ALDH5A1: variants seen among roughly 807,000 people sequenced by gnomAD.
The protein encoded by ALDH5A1 is succinate-semialdehyde dehydrogenase, mitochondrial.
A neutral mutation model predicts 54.7 loss-of-function variants in ALDH5A1; 33 were observed. The observed-to-expected ratio is 0.60, with a 90% CI of 0.46 to 0.81. The LOEUF (loss-of-function observed/expected upper bound fraction) is 0.81, where lower values mean the gene tolerates loss of function less well. ALDH5A1 is among the 30% of genes least tolerant of loss of function. ALDH5A1 has a pLI of 0.00. For missense variants in ALDH5A1, 657 were observed against 711.0 expected (o/e 0.92, Z 0.86); for synonymous variants, 294 against 292.7 (o/e 1.00, Z -0.05).
At chr6:24,523,022 A>G in intron 7 of ALDH5A1, 97 bp downstream of exon 7, 2 of 483,672 alleles carry the variant, frequency 4.1e-6, no homozygotes, top group Non-Finnish European at 7.5e-6. Context: ...GTGGGGATAG[A>G]GAGGGGTGGG....
intron 4 of ALDH5A1, among the ~76,000 whole-genome samples, chr6:24,514,212 G>A (rs1759517840): frequency 6.6e-6 from 1 of 152,154 alleles, no homozygotes; most frequent in African/African-American, 2.4e-5. Flanking sequence ...ATTCTTCTCT[G>A]CTATGCCTCC....
At chr6:24,515,102 C>CTTTTTTTTTTTTTTTTTTTTATTTTTT in intron 4 of ALDH5A1, 65 bp from the exon 5 acceptor site, 1 of 927,262 alleles carries the variant, frequency 1.1e-6, no homozygotes, top group Admixed American at 2.9e-5. Flanking sequence ...TTTCTCTTTT[C>CTTTTTTTTTTTTTTTTTTTTATTTTTT]TTTTTTTTTT....
intron 8 of ALDH5A1, among the ~76,000 whole-genome samples, chr6:24,529,670 GTTTT>G (rs55878931): frequency 2.3e-5 from 2 of 86,328 alleles, no homozygotes; most frequent in Non-Finnish European, 4.3e-5. Context: ...TTTGGTTTGG[GTTTT>G]TTTTTTTTTT....
intron 4 of ALDH5A1, among the ~76,000 whole-genome samples, chr6:24,506,273 T>TTTTTTTTTTTG (rs1390825941): frequency 9.5e-6 from 1 of 105,024 alleles, no homozygotes; most frequent in Non-Finnish European, 1.8e-5. Context: ...TTTTTTTTTT[T>TTTTTTTTTTTG]GAGACAGTCT....
intron 5 of ALDH5A1, 58 bp downstream of exon 5, chr6:24,515,368 GT>G: frequency 6.3e-7 from 1 of 1,579,120 alleles, no homozygotes; most frequent in Non-Finnish European, 8.7e-7. Context: ...ATCTTGATAG[GT>G]TATAAAAATA....
chr6:24,522,138 G>A lies in ALDH5A1; in HGVS notation c.1015-629G>A, dbSNP rs532718679. ...TGGGGTTACAGGCATGAGCCACTGC[G>A]CCCAGCCAAAAAAAATTAAAAATTA... On this transcript the variant is annotated intron_variant, in intron 6 of 9. Transcript: ENST00000357578. 3.9e-5 allele frequency among the ~76,000 whole-genome samples: 6 copies of A among 152,030 alleles called. No individual in the cohort carries two copies. The East Asian group carries it at 5.9e-4, about 15-fold the overall frequency.
At position 24,502,552 on chromosome 6, in the gene ALDH5A1, C is replaced by T; in HGVS notation, c.384C>T (p.Tyr128=). 1 of 1,613,494 alleles carries T rather than the reference C, an allele frequency of 6.2e-7. No individual in the cohort carries two copies. The highest frequency in any genetic ancestry group is 1.1e-5 in the South Asian group (1 of 91,060). ...GGAGTTCATTACTTCGGAAGTGGTA[C>T]AATTTAATGATACAAAATAAGGATG... is the stretch of plus-strand genomic sequence containing the variant. ...KERSSLLRKW[Y]NLMIQNKDDL... is the part of the protein sequence containing the mutation. The change falls in exon 2 of 10, where the codon TAC becomes TAT. Residue 128 remains tyrosine, a synonymous_variant. Coordinates refer to ENST00000357578, the MANE Select transcript of ALDH5A1 (RefSeq NM_001080.3).
chr6:24,502,033 G>A (rs1055737174), intron 1 of ALDH5A1, among the ~76,000 whole-genome samples: 5 of 151,988 alleles, frequency 3.3e-5, no homozygotes, highest in Middle Eastern at 3.4e-3. Context: ...ATGTGACTGT[G>A]GATGCTAAGA....
intron 6 of ALDH5A1, chr6:24,522,503 G>GTT (rs1491037476): frequency 5.1e-6 from 2 of 392,516 alleles, no homozygotes; most frequent in African/African-American, 2.1e-5. Context: ...GTGTGTGTGT[G>GTT]TACAGGTGCT....
intron 7 of ALDH5A1, 74 bp downstream of exon 7, chr6:24,522,999 T>A (rs1415080493): frequency 2.1e-6 from 3 of 1,439,040 alleles, no homozygotes. Flanking sequence ...CAAAAAACAC[T>A]TTGGCTGGAG....
At position 24,495,026 on chromosome 6, in the gene ALDH5A1, TG is replaced by T; in HGVS notation, c.34del (p.Ala12ProfsTer79). On this transcript the variant is annotated frameshift_variant, in exon 1 of 10. Transcript: ENST00000357578. LOFTEE classifies it high-confidence loss of function. MATCIWLRSC[G>X]ARRLGSTFPG... is the part of the protein sequence containing the mutation. Reference sequence around the variant, plus strand: ...CGACCTGCATTTGGCTGCGGAGCTGTGGGGCCCGGCGCCTCGGGTCGACGTT... The same window carrying T: ...CGACCTGCATTTGGCTGCGGAGCTGTGGGCCCGGCGCCTCGGGTCGACGTT... The T allele has an allele frequency of 7.4e-7, 1 of 1,343,240 alleles. No homozygotes were observed. The highest frequency in any genetic ancestry group is 9.5e-7 in the Non-Finnish European group (1 of 1,050,568). The allele number at this position is 1,343,240 out of a possible 1,614,324, so 83.2% of individuals were successfully genotyped here.
chr6:24,513,654 C>G lies in ALDH5A1; in HGVS notation c.727-1513C>G, dbSNP rs376456728. On this transcript the variant is annotated intron_variant, in intron 4 of 9. Transcript: ENST00000357578. The stretch of plus-strand genomic sequence containing the variant: ...CCATGCCCTTCATTCCTTATTGCAG[C>G]ATCCCATGTACTCACCTACTATTGA... Among the ~76,000 whole-genome samples, 19 of 152,246 alleles carry G rather than the reference C, an allele frequency of 1.2e-4. 1 individual carries two copies. The South Asian group carries it at 3.7e-3, about 30-fold the overall frequency.
At chr6:24,519,564 CAATAAT>C (rs1226497779) in intron 5 of ALDH5A1, among the ~76,000 whole-genome samples, 2 of 151,764 alleles carry the variant, frequency 1.3e-5, no homozygotes, top group Non-Finnish European at 2.9e-5. Context: ...GACTCCATCT[CAATAAT>C]AATAATAAAT....
chr6:24,515,042 G>C (rs1204408640), intron 4 of ALDH5A1, 125 bp from the exon 5 acceptor site: 2 of 968,398 alleles, frequency 2.1e-6, no homozygotes, highest in South Asian at 3.0e-5. Context: ...TCTGTCCCCA[G>C]TGTCAGCTTA....
chr6:24,501,076 AGTAATCTTATTTTAACAGATCAAG>A (rs1014320694), intron 1 of ALDH5A1, among the ~76,000 whole-genome samples: 1 of 152,230 alleles, frequency 6.6e-6, no homozygotes, highest in Non-Finnish European at 1.5e-5. Context: ...CACAGATCAA[AGTAATCTTATTTTAACAGATCAAG>A]GTAAAATGCT....
At chr6:24,510,676 C>G (rs765120840) in intron 4 of ALDH5A1, among the ~76,000 whole-genome samples, 11 of 152,140 alleles carry the variant, frequency 7.2e-5, no homozygotes, top group Non-Finnish European at 1.2e-4. Context: ...CACCCCTTTA[C>G]CTTAAGTTTC....
At chr6:24,520,312 T>A in intron 5 of ALDH5A1, 89 bp from the exon 6 acceptor site, 1 of 1,554,546 alleles carries the variant, frequency 6.4e-7, no homozygotes, top group South Asian at 1.1e-5. Context: ...ACCTTGCTTT[T>A]TTCACCATTT....
intron 1 of ALDH5A1, among the ~76,000 whole-genome samples, chr6:24,501,571 G>T (rs1000697830): frequency 6.7e-6 from 1 of 149,750 alleles, no homozygotes; most frequent in Non-Finnish European, 1.5e-5. Context: ...AGCTGAGCGT[G>T]ATGATGTGTG....
Position 24,533,986 on chromosome 6 carries a change from GC to G in ALDH5A1, c.*276del, listed in dbSNP as rs1244337018. On this transcript the variant is annotated 3_prime_UTR_variant, in exon 10 of 10. Transcript: ENST00000357578. ...CTGGCTCCCCACCACAGCCCCAGCT[GC>G]CTCAGAGCAGGCACAGCACAAGGCA... 4 of 412,394 alleles carry G rather than the reference GC, an allele frequency of 9.7e-6. No individual in the cohort carries two copies. Among genetic ancestry groups the G allele is most frequent in the African/African-American group, 8.2e-5 (4 of 48,870 alleles). The allele number at this position is 412,394 out of a possible 1,614,324, so 25.5% of individuals were successfully genotyped here.
Sources: allele counts gnomAD v4.1 joint callset (sites outside exome capture counted in the v4.1 genomes callset), GRCh38; gene constraint gnomAD v4.1.1; transcripts MANE v1.5; gene names NCBI Gene and HGNC (gene_info 2026-07-23, HGNC 2026-07-21).